WDR62: variants seen among roughly 807,000 people sequenced by gnomAD.
The protein encoded by WDR62 is WD repeat-containing protein 62.
A neutral mutation model predicts 160.6 loss-of-function variants in WDR62; 112 were observed. That is an observed-to-expected ratio of 0.70 (90% CI 0.60 to 0.82). WDR62 has a LOEUF of 0.82. WDR62 is among the 40% of genes least tolerant of loss of function. The pLI is 0.00. For synonymous variants in WDR62, 792 were observed against 815.1 expected, an observed-to-expected ratio of 0.97 and a Z score of 0.48; for missense variants, 1,819 against 1,983.8, an observed-to-expected ratio of 0.92 and a Z score of 1.58.
Position 36,054,980 on chromosome 19 carries a change from C to G in WDR62, c.9C>G (p.Ala3=). The change falls in exon 1 of 32, where the codon GCC becomes GCG. Residue 3 remains alanine (A), a synonymous_variant. Transcript: ENST00000401500. MA[A]VGSGGYARND... is the part of the protein sequence containing the mutation. ...CCGCCTCCGGCGTGACGATGGCGGCCGTAGGGTCCGGAGGCTATGCGCGGA... is the reference window on the plus strand; with the variant it reads ...CCGCCTCCGGCGTGACGATGGCGGCGGTAGGGTCCGGAGGCTATGCGCGGA... The G allele has an allele frequency of 6.2e-7, 1 of 1,601,750 alleles. No individual in the cohort carries two copies. Among genetic ancestry groups the G allele is most frequent in the Non-Finnish European group, 8.5e-7 (1 of 1,175,942 alleles).
intron 7 of WDR62, among the ~76,000 whole-genome samples, chr19:36,068,842 T>C (rs1971091224): frequency 6.6e-6 from 1 of 152,134 alleles, no homozygotes; most frequent in African/African-American, 2.4e-5. Context: ...GCCATCGTCA[T>C]CATGGCCCGT....
intron 2 of WDR62, 53 bp from the exon 3 acceptor site, chr19:36,059,915 C>A (rs1240883324): frequency 2.5e-6 from 4 of 1,593,958 alleles, no homozygotes; most frequent in Non-Finnish European, 3.4e-6. Flanking sequence ...TAGAATCATC[C>A]CAGGACCCCA....
At chr19:36,098,678 GA>G (rs1973128802) in intron 21 of WDR62, among the ~76,000 whole-genome samples, 1 of 152,182 alleles carries the variant, frequency 6.6e-6, no homozygotes, top group Admixed American at 6.5e-5. Flanking sequence ...CTGAAACAGG[GA>G]ATCTTTAGGA....
chr19:36,057,235 C>A (rs1970417591), intron 1 of WDR62, among the ~76,000 whole-genome samples: 1 of 152,174 alleles, frequency 6.6e-6, no homozygotes, highest in Non-Finnish European at 1.5e-5. Flanking sequence ...GCACTTAGAA[C>A]AACACTGGCA....
Position 36,081,310 on chromosome 19 carries a change from A to C in WDR62, c.1234-123A>C, listed in dbSNP as rs555871765. 2.7e-5 allele frequency: 30 copies of C among 1,129,964 alleles called. 1 individual carries two copies. In the South Asian group the frequency reaches 3.0e-4, roughly 11 times the overall value. 70.0% of individuals were successfully genotyped at this position (1,129,964 alleles called of 1,614,324 possible). On this transcript the variant is annotated intron_variant, in intron 9 of 31. Transcript: ENST00000401500. Reference sequence around the variant, plus strand: ...TTTTTTTTTCTTGTTTATTTTTAGCATAGAAGGTATTGCACGATACCTGTT... The same window carrying C: ...TTTTTTTTTCTTGTTTATTTTTAGCCTAGAAGGTATTGCACGATACCTGTT...
At chr19:36,109,810 T>G (rs1173313778), downstream of WDR62, among the ~76,000 whole-genome samples, 1 of 151,200 alleles carries the variant, frequency 6.6e-6, no homozygotes, top group African/African-American at 2.4e-5. Context: ...TCCCAGCACT[T>G]TGGGAGGCTG....
At chr19:36,055,492 C>T (rs1378750557) in intron 1 of WDR62, among the ~76,000 whole-genome samples, 3 of 152,208 alleles carry the variant, frequency 2.0e-5, no homozygotes, top group East Asian at 3.9e-4. Flanking sequence ...ACTGCAGCCT[C>T]ACTGCCCTGG....
intron 9 of WDR62, among the ~76,000 whole-genome samples, chr19:36,077,961 A>G (rs1971672368): frequency 6.6e-6 from 1 of 152,072 alleles, no homozygotes; most frequent in South Asian, 2.1e-4. Context: ...CACTTAGCAT[A>G]ATGTTTTCAA....
chr19:36,111,004 G>A, the WDR62 span: 1 of 581,810 alleles, frequency 1.7e-6, no homozygotes, highest in Non-Finnish European at 3.0e-6. Flanking sequence ...CCAAAACCTG[G>A]GAGAAGATGG....
At chr19:36,096,161 G>A (rs1972942914) in intron 20 of WDR62, among the ~76,000 whole-genome samples, 1 of 152,188 alleles carries the variant, frequency 6.6e-6, no homozygotes, top group Non-Finnish European at 1.5e-5. Context: ...CACAATCATA[G>A]CTCACTGTAG....
downstream of WDR62, among the ~76,000 whole-genome samples, chr19:36,108,015 C>T (rs776881594): frequency 9.9e-5 from 15 of 152,052 alleles, no homozygotes; most frequent in Non-Finnish European, 1.9e-4. Flanking sequence ...TGGTGCAGAA[C>T]CCCAGGACTG....
At chr19:36,071,884 A>G (rs1472157555) in intron 8 of WDR62, among the ~76,000 whole-genome samples, 168 bp downstream of exon 8, 1 of 152,264 alleles carries the variant, frequency 6.6e-6, no homozygotes, top group African/African-American at 2.4e-5. Context: ...TTCCGAGGCA[A>G]GCCTCACAGT....
chr19:36,081,332 T>A, intron 9 of WDR62, 101 bp from the exon 10 acceptor site: 1 of 1,404,110 alleles, frequency 7.1e-7, no homozygotes, highest in Admixed American at 1.7e-5. Flanking sequence ...GCACGATACC[T>A]GTTTATCTTT....
rs1182866314 is a variant in WDR62 at position 36,083,246 on chromosome 19, G to A, written c.1550+5G>A. On this transcript the variant is annotated splice_donor_5th_base_variant and intron_variant, in intron 11 of 31. Coordinates refer to ENST00000401500, the MANE Select transcript of WDR62 (RefSeq NM_001083961.2). Reference sequence around the variant, plus strand: ...CGACCGAAGTGGAAATCTGAGGCAAGTGGGCCCTGGCAGTGTCCAGTGTAC... The same window carrying A: ...CGACCGAAGTGGAAATCTGAGGCAAATGGGCCCTGGCAGTGTCCAGTGTAC... 8 of 1,590,640 alleles carry A rather than the reference G, an allele frequency of 5.0e-6. No individual in the cohort carries two copies. The highest frequency in any genetic ancestry group is 6.8e-6 in the Non-Finnish European group (8 of 1,168,064).
chr19:36,092,815 C>G lies in WDR62; in HGVS notation c.2333+4C>G. The G allele has an allele frequency of 1.2e-6, 2 of 1,613,834 alleles. No homozygotes were observed. Among genetic ancestry groups the G allele is most frequent in the Non-Finnish European group, 1.7e-6 (2 of 1,179,900 alleles). On this transcript the variant is annotated splice_donor_region_variant and intron_variant, in intron 19 of 31. Transcript: ENST00000401500. ...AGAAGCGGAGTGGCCACCCCAGGTC[C>G]TGGCAGCCCCTGCCTGTCCACCAGA...
Position 36,090,532 on chromosome 19 carries a change from G to A in WDR62, c.2034+12G>A, listed in dbSNP as rs1211086582. On this transcript the variant is annotated intron_variant, in intron 16 of 31. Coordinates refer to ENST00000401500, the MANE Select transcript of WDR62 (RefSeq NM_001083961.2). ...GGTCCTTGCTGAAGGTGAGGAGTTGGAGACCCCTGTCTGTCTGCTGCCCTG... is the reference window on the plus strand; with the variant it reads ...GGTCCTTGCTGAAGGTGAGGAGTTGAAGACCCCTGTCTGTCTGCTGCCCTG... The A allele has an allele frequency of 6.2e-7, 1 of 1,613,770 alleles. No individual in the cohort carries two copies. The highest frequency in any genetic ancestry group is 1.7e-5 in the Admixed American group (1 of 60,014).
At chr19:36,070,162 C>CT (rs397859174) in intron 7 of WDR62, 82,337 of 134,226 alleles carry the variant, frequency 0.61, 26,088 homozygotes, top group African/African-American at 0.75. Flanking sequence ...TTTATTTTTA[C>CT]TTTTTTTTTT....
In WDR62 at chr19:36,085,126, T is replaced by A. The variant is rs1488470096; in HGVS notation, c.1642+382T>A. ...CATAGGCTTCACCCAAATTCCTCAA[T>A]TTTTTTTTTGAGATGGAGTCTTGCT... On this transcript the variant is annotated intron_variant, in intron 12 of 31. Transcript: ENST00000401500. Among the ~76,000 whole-genome samples the A allele has an allele frequency of 2.7e-5, 4 of 150,774 alleles. No individual in the cohort carries two copies. The East Asian group carries it at 7.8e-4, about 29-fold the overall frequency.
Position 36,100,744 on chromosome 19 carries a change from A to G in WDR62, c.2740-4A>G, listed in dbSNP as rs370814333. On this transcript the variant is annotated splice_region_variant and splice_polypyrimidine_tract_variant and intron_variant, in intron 22 of 31. Coordinates refer to ENST00000401500, the MANE Select transcript of WDR62 (RefSeq NM_001083961.2). ...TCAGAATGGCTGTGCTGTCTTCCCC[A>G]TAGTCAGAGAGTCCCCAGGAAGCTG... 3.7e-6 allele frequency: 6 copies of G among 1,613,910 alleles called. No homozygotes were observed. The Middle Eastern group carries it at 5.0e-4, about 133-fold the overall frequency.
Sources: allele counts gnomAD v4.1 joint callset (sites outside exome capture counted in the v4.1 genomes callset), GRCh38; gene constraint gnomAD v4.1.1; transcripts MANE v1.5; gene names NCBI Gene and HGNC (gene_info 2026-07-23, HGNC 2026-07-21).